AGBL4: variants seen among roughly 807,000 people sequenced by gnomAD.
AGBL4 encodes AGBL carboxypeptidase 4.
In AGBL4, 58 loss-of-function variants were observed where a neutral mutation model predicts 66.4. That is an observed-to-expected ratio of 0.87 (90% CI 0.71 to 1.09). The LOEUF is 1.09. AGBL4 is among the 50% of genes least tolerant of loss of function. AGBL4 has a pLI of 0.00. For synonymous variants in AGBL4, 234 were observed against 222.9 expected, an observed-to-expected ratio of 1.05 and a Z score of -0.44; for missense variants, 579 against 631.0, an observed-to-expected ratio of 0.92 and a Z score of 0.88.
At chr1:49,853,004 C>T (rs1646343141) in intron 1 of AGBL4, among the ~76,000 whole-genome samples, 1 of 152,118 alleles carries the variant, frequency 6.6e-6, no homozygotes, top group Non-Finnish European at 1.5e-5. Flanking sequence ...AAAGAGATAT[C>T]CATTTATAGT....
chr1:49,869,590 G>C (rs1050413014), intron 1 of AGBL4, among the ~76,000 whole-genome samples: 6 of 152,132 alleles, frequency 3.9e-5, no homozygotes, highest in Admixed American at 3.9e-4. Flanking sequence ...ACCGGGGCCT[G>C]TCTGGAGTTG....
intron 3 of AGBL4, among the ~76,000 whole-genome samples, chr1:49,488,608 T>A (rs946322390): frequency 6.6e-6 from 1 of 151,830 alleles, no homozygotes; most frequent in Admixed American, 6.6e-5. Flanking sequence ...ACTGTACTCA[T>A]CCTGTAGTGC....
intron 3 of AGBL4, among the ~76,000 whole-genome samples, chr1:49,490,248 T>C (rs576592188): frequency 1.3e-5 from 2 of 151,938 alleles, no homozygotes; most frequent in East Asian, 3.9e-4. Context: ...AATTTTATCT[T>C]GTTTTTTCAT....
intron 5 of AGBL4, among the ~76,000 whole-genome samples, chr1:48,944,463 A>C (rs746684583): frequency 3.4e-4 from 52 of 152,204 alleles, no homozygotes; most frequent in Admixed American, 5.9e-4. Flanking sequence ...AGACTGTCAG[A>C]GGAAAAATTC....
In AGBL4 at chr1:49,598,633, G is replaced by A. The variant is rs1032307842; in HGVS notation, c.282+98680C>T. Among the ~76,000 whole-genome samples the A allele has an allele frequency of 2.0e-5, 3 of 152,216 alleles. 1 individual carries two copies. Among genetic ancestry groups the A allele is most frequent in the East Asian group, 3.9e-4 (2 of 5,148 alleles). Reference sequence around the variant, plus strand: ...GGTGTCAGTCTGCCCCTACTGGGGGGTGCCTCCCAGTTAGGCTGCTCGGGG... The same window carrying A: ...GGTGTCAGTCTGCCCCTACTGGGGGATGCCTCCCAGTTAGGCTGCTCGGGG... On this transcript the variant is annotated intron_variant, in intron 3 of 13. Coordinates refer to ENST00000371839, the MANE Select transcript of AGBL4 (RefSeq NM_032785.4).
intron 3 of AGBL4, among the ~76,000 whole-genome samples, chr1:49,529,971 G>A (rs1246251238): frequency 6.6e-6 from 1 of 151,758 alleles, no homozygotes; most frequent in Non-Finnish European, 1.5e-5. Context: ...GGAATGGAGA[G>A]GAAAACAGGG....
chr1:49,049,806 AG>A (rs1205316019), intron 4 of AGBL4, among the ~76,000 whole-genome samples: 1 of 152,084 alleles, frequency 6.6e-6, no homozygotes, highest in African/African-American at 2.4e-5. Context: ...CATTTAACAC[AG>A]ATAGTCTATG....
chr1:48,984,918 T>G (rs1660063922), intron 5 of AGBL4, among the ~76,000 whole-genome samples: 1 of 151,862 alleles, frequency 6.6e-6, no homozygotes, highest in Non-Finnish European at 1.5e-5. Context: ...CAATGGAAAT[T>G]GAGCACAAAG....
At chr1:49,244,753 A>T (rs1651505994) in intron 4 of AGBL4, among the ~76,000 whole-genome samples, 1 of 151,988 alleles carries the variant, frequency 6.6e-6, no homozygotes, top group South Asian at 2.1e-4. Flanking sequence ...GCACTTAGTA[A>T]GTGCCAGGCA....
intron 1 of AGBL4, among the ~76,000 whole-genome samples, chr1:49,892,701 G>A (rs1648773578): frequency 1.3e-5 from 2 of 152,142 alleles, no homozygotes; most frequent in South Asian, 4.2e-4. Flanking sequence ...TTTTCTCCCT[G>A]AAGTCCTTAC....
chr1:48,963,024 G>A lies in AGBL4; in HGVS notation c.594+82560C>T, dbSNP rs1441161086. Among the ~76,000 whole-genome samples the A allele has an allele frequency of 3.2e-5, 4 of 124,208 alleles. No homozygotes were observed. In the East Asian group the frequency reaches 7.0e-4, roughly 22 times the overall value. 81.5% of individuals were successfully genotyped at this position (124,208 alleles called of 152,430 possible). The stretch of plus-strand genomic sequence containing the variant: ...TTACTATTATTATCATTACCTCTAC[G>A]TGTTTGTCTTAAACCATTTTCTGCT... On this transcript the variant is annotated intron_variant, in intron 5 of 13. Transcript: ENST00000371839.
At chr1:49,864,983 G>C (rs945877914) in intron 1 of AGBL4, among the ~76,000 whole-genome samples, 1 of 152,182 alleles carries the variant, frequency 6.6e-6, no homozygotes, top group African/African-American at 2.4e-5. Flanking sequence ...AGCTGATGTG[G>C]CAGATCTTGA....
At chr1:49,845,812 C>T (rs897556935) in intron 2 of AGBL4, 2 of 1,535,666 alleles carry the variant, frequency 1.3e-6, no homozygotes, top group African/African-American at 2.7e-5. Context: ...GGAGCGGATG[C>T]ACACAGGAGA....
intron 3 of AGBL4, among the ~76,000 whole-genome samples, chr1:49,603,105 T>C (rs1219701903): frequency 6.6e-6 from 1 of 152,104 alleles, no homozygotes; most frequent in Non-Finnish European, 1.5e-5. Context: ...CGACTCCAGC[T>C]AAGCCTTTCA....
At chr1:49,403,118 T>A (rs554762653) in intron 3 of AGBL4, among the ~76,000 whole-genome samples, 29 of 152,352 alleles carry the variant, frequency 1.9e-4, no homozygotes, top group African/African-American at 6.7e-4. Context: ...GGAAAAAATC[T>A]TTCTTTAGCT....
chr1:49,735,688 A>C (rs929501761), intron 2 of AGBL4, among the ~76,000 whole-genome samples: 1 of 152,118 alleles, frequency 6.6e-6, no homozygotes, highest in African/African-American at 2.4e-5. Flanking sequence ...AAGGAAATAC[A>C]CAGGAGACTA....
At chr1:49,199,527 C>T (rs752944853) in intron 4 of AGBL4, among the ~76,000 whole-genome samples, 19 of 152,168 alleles carry the variant, frequency 1.2e-4, no homozygotes, top group Non-Finnish European at 2.2e-4. Context: ...GAACCTTACA[C>T]TACTCATTGA....
At position 48,621,315 on chromosome 1, in the gene AGBL4, A is replaced by G. The variant is rs573791454; in HGVS notation, c.951+13178T>C. Among the ~76,000 whole-genome samples the G allele has an allele frequency of 3.3e-5, 5 of 152,310 alleles. No individual in the cohort carries two copies. In the East Asian group the frequency reaches 5.8e-4, roughly 18 times the overall value. ...TGGGTACTGAACCCAGTTTTCTTCT[A>G]TCATATGGGTTGGGCTGGATTCAAG... On this transcript the variant is annotated intron_variant, in intron 9 of 13. Coordinates refer to ENST00000371839, the MANE Select transcript of AGBL4 (RefSeq NM_032785.4).
intron 3 of AGBL4, among the ~76,000 whole-genome samples, chr1:49,267,795 T>G (rs893083272): frequency 6.6e-6 from 1 of 152,038 alleles, no homozygotes; most frequent in African/African-American, 2.4e-5. Flanking sequence ...AAAAGGCACA[T>G]CTTACATGGC....
Sources: allele counts gnomAD v4.1 joint callset (sites outside exome capture counted in the v4.1 genomes callset), GRCh38; gene constraint gnomAD v4.1.1; transcripts MANE v1.5; gene names NCBI Gene and HGNC (gene_info 2026-07-23, HGNC 2026-07-21).